The following MARCHF11 variants were observed in gnomAD, a reference collection of about 807,000 sequenced individuals.
MARCHF11 encodes the protein E3 ubiquitin-protein ligase MARCHF11.
MARCHF11 carries 29 observed loss-of-function variants against 37.3 expected under a neutral mutation model. That is an observed-to-expected ratio of 0.78 (90% CI 0.58 to 1.06). The LOEUF (loss-of-function observed/expected upper bound fraction) is 1.06, where lower values mean the gene tolerates loss of function less well. Ranked by LOEUF, MARCHF11 falls within the 50% of genes least tolerant of loss-of-function variation. The pLI is 0.00. For synonymous variants in MARCHF11, 233 were observed against 228.0 expected (o/e 1.02, Z -0.20); for missense variants, 482 against 533.4 (o/e 0.90, Z 0.95).
intron 2 of MARCHF11, among the ~76,000 whole-genome samples, chr5:16,100,229 A>C (rs1273490770): frequency 6.6e-6 from 1 of 152,184 alleles, no homozygotes; most frequent in African/African-American, 2.4e-5. Context: ...ACTTCGCTTT[A>C]CTAAGGAGAT....
At chr5:16,169,983 G>C (rs1738231592) in intron 2 of MARCHF11, among the ~76,000 whole-genome samples, 1 of 152,100 alleles carries the variant, frequency 6.6e-6, no homozygotes, top group African/African-American at 2.4e-5. Flanking sequence ...GGCAACGCAG[G>C]AAATTAGTGA....
intron 3 of MARCHF11, among the ~76,000 whole-genome samples, chr5:16,069,748 A>G (rs1425250594): frequency 6.6e-6 from 1 of 152,206 alleles, no homozygotes; most frequent in Non-Finnish European, 1.5e-5. Flanking sequence ...AAAGATTGCT[A>G]GTAACCTTCC....
At chr5:16,170,552 T>C (rs996030144) in intron 2 of MARCHF11, among the ~76,000 whole-genome samples, 4 of 152,164 alleles carry the variant, frequency 2.6e-5, no homozygotes, top group Non-Finnish European at 5.9e-5. Flanking sequence ...GTATGAGTAA[T>C]GAATGCGATT....
At chr5:16,101,911 T>C (rs961888628) in intron 2 of MARCHF11, among the ~76,000 whole-genome samples, 2 of 152,204 alleles carry the variant, frequency 1.3e-5, no homozygotes, top group African/African-American at 4.8e-5. Flanking sequence ...ATGAGGCAGA[T>C]TAGCCCTTGC....
At chr5:16,157,228 T>G (rs1481676576) in intron 2 of MARCHF11, among the ~76,000 whole-genome samples, 1 of 151,604 alleles carries the variant, frequency 6.6e-6, no homozygotes, top group Non-Finnish European at 1.5e-5. Context: ...CCCGTGTTTG[T>G]GGATTAGAAA....
chr5:16,140,897 A>C (rs1022418953), intron 2 of MARCHF11: 3 of 152,196 alleles, frequency 2.0e-5, no homozygotes, highest in Non-Finnish European at 4.4e-5. Context: ...AAATAGAAAA[A>C]CTTGGAGACA....
intron 2 of MARCHF11, among the ~76,000 whole-genome samples, chr5:16,125,469 T>C (rs1237635430): frequency 6.6e-6 from 1 of 152,162 alleles, no homozygotes; most frequent in Non-Finnish European, 1.5e-5. Context: ...AAGCATAGAA[T>C]TAACTTCCCA....
chr5:16,140,117 A>G (rs1737677406), intron 2 of MARCHF11, among the ~76,000 whole-genome samples: 1 of 152,200 alleles, frequency 6.6e-6, no homozygotes, highest in Non-Finnish European at 1.5e-5. Context: ...AAAACAGTGA[A>G]AATAGAATGT....
chr5:16,086,876 T>A (rs1315942912), intron 3 of MARCHF11, among the ~76,000 whole-genome samples: 1 of 152,228 alleles, frequency 6.6e-6, no homozygotes, highest in Non-Finnish European at 1.5e-5. Flanking sequence ...TCTCAAAGTG[T>A]CCAGGGTGGA....
At chr5:16,068,808 G>A (rs1736391001) in intron 3 of MARCHF11, among the ~76,000 whole-genome samples, 1 of 152,242 alleles carries the variant, frequency 6.6e-6, no homozygotes. Context: ...GTGAGGAAGA[G>A]CTCTTCTCTT....
At chr5:16,149,034 C>G (rs1270192996) in intron 2 of MARCHF11, among the ~76,000 whole-genome samples, 1 of 152,122 alleles carries the variant, frequency 6.6e-6, no homozygotes, top group Non-Finnish European at 1.5e-5. Context: ...ACTGGTCAAT[C>G]TGTAGAGAGT....
intron 2 of MARCHF11, among the ~76,000 whole-genome samples, chr5:16,145,065 T>C (rs1208916850): frequency 1.3e-5 from 2 of 152,196 alleles, no homozygotes; most frequent in Non-Finnish European, 2.9e-5. Context: ...CTGAATACAT[T>C]CATTTTTAAA....
intron 2 of MARCHF11, among the ~76,000 whole-genome samples, chr5:16,137,554 T>A (rs1737628335): frequency 1.3e-5 from 2 of 152,176 alleles, no homozygotes; most frequent in African/African-American, 4.8e-5. Flanking sequence ...ACTGGTAAAG[T>A]GGGATATTGC....
intron 2 of MARCHF11, among the ~76,000 whole-genome samples, chr5:16,159,425 A>G (rs1738036063): frequency 6.6e-6 from 1 of 151,944 alleles, no homozygotes; most frequent in South Asian, 2.1e-4. Context: ...ACAACAAACC[A>G]AGTTCTTTAT....
chr5:16,179,257 T>C lies in MARCHF11; in HGVS notation c.319A>G (p.Arg107Gly). 1.5e-6 allele frequency: 2 copies of C among 1,335,378 alleles called. No homozygotes were observed. The highest frequency in any genetic ancestry group is 9.6e-7 in the Non-Finnish European group (1 of 1,041,680). The allele number at this position is 1,335,378 out of a possible 1,614,324, so 82.7% of individuals were successfully genotyped here. A position where few individuals can be genotyped will look rare whatever the true frequency, so the allele number is the denominator to read the frequency against. The change falls in exon 1 of 4, where the codon AGG becomes GGG. Residue 107 changes from arginine (R) to glycine (G), a missense_variant. Arg to Gly is a moderately radical substitution (Grantham distance 125, BLOSUM62 -2). Coordinates refer to ENST00000332432, the MANE Select transcript of MARCHF11 (RefSeq NM_001102562.3). ...AAAGDSGEGP[R>G]RLPEAAAAKG... ...GCTGCTGCCGCCTCCGGGAGGCGCC[T>C]CGGACCTTCCCCGGAGTCGCCGGCC... is the stretch of plus-strand genomic sequence containing the variant.
chr5:16,102,839 GCC>G, intron 2 of MARCHF11, among the ~76,000 whole-genome samples: 1 of 152,314 alleles, frequency 6.6e-6, no homozygotes, highest in South Asian at 2.1e-4. Context: ...AAAGGCACTT[GCC>G]CTGGCTCCTG....
At chr5:16,094,744 G>A (rs1483619429) in intron 2 of MARCHF11, among the ~76,000 whole-genome samples, 1 of 152,058 alleles carries the variant, frequency 6.6e-6, no homozygotes, top group Non-Finnish European at 1.5e-5. Context: ...GGGACCAACT[G>A]GCACCTCTTT....
In MARCHF11 at chr5:16,067,505, G is replaced by A. The variant is rs781465967; in HGVS notation, c.1175C>T (p.Ser392Leu). 13 of 1,613,538 alleles carry A rather than the reference G, an allele frequency of 8.1e-6. No homozygotes were observed. Among genetic ancestry groups the A allele is most frequent in the East Asian group, 4.5e-5 (2 of 44,878 alleles). Reference sequence around the variant, plus strand: ...AGTCACTCTCATCACAACCTCCCCCGAGCTGTTATCTTCTGATAAGTCTTC... The same window carrying A: ...AGTCACTCTCATCACAACCTCCCCCAAGCTGTTATCTTCTGATAAGTCTTC... ...PHEDLSEDNS[S>L]GEVVMRVTSV Residue 392 changes from serine (S) to leucine (L), a missense_variant, in exon 4 of 4, where the codon TCG becomes TTG. Transcript: ENST00000332432.
chr5:16,157,229 G>A (rs1054655805), intron 2 of MARCHF11, among the ~76,000 whole-genome samples: 4 of 151,048 alleles, frequency 2.6e-5, no homozygotes, highest in African/African-American at 4.9e-5. Flanking sequence ...CCGTGTTTGT[G>A]GATTAGAAAA....
Sources: allele counts gnomAD v4.1 joint callset (sites outside exome capture counted in the v4.1 genomes callset), GRCh38; gene constraint gnomAD v4.1.1; transcripts MANE v1.5; gene names NCBI Gene and HGNC (gene_info 2026-07-23, HGNC 2026-07-21).